LRMDA: variants seen among roughly 807,000 people sequenced by gnomAD.
LRMDA encodes the protein leucine rich melanocyte differentiation associated.
In LRMDA, 18 loss-of-function variants were observed where a neutral mutation model predicts 29.8. The observed-to-expected ratio is 0.60, with a 90% confidence interval of 0.42 to 0.90. The LOEUF (loss-of-function observed/expected upper bound fraction) is 0.90. LRMDA is among the 40% of genes least tolerant of loss of function. LRMDA has a pLI of 0.00. For synonymous variants in LRMDA, 125 were observed against 109.4 expected, an observed-to-expected ratio of 1.14 and a Z score of -0.89; for missense variants, 273 against 273.9, an observed-to-expected ratio of 1.00 and a Z score of 0.02.
chr10:75,477,251 CTCT>C (rs954532183), intron 2 of LRMDA, among the ~76,000 whole-genome samples: 17 of 152,142 alleles, frequency 1.1e-4, no homozygotes, highest in Admixed American at 2.6e-4. Flanking sequence ...AAGCACTAAT[CTCT>C]TCTTCTTGTG....
chr10:75,728,601 G>T (rs1842658922), intron 2 of LRMDA, among the ~76,000 whole-genome samples: 1 of 152,150 alleles, frequency 6.6e-6, no homozygotes, highest in Non-Finnish European at 1.5e-5. Flanking sequence ...CTGAATTACT[G>T]TGTGGATCAG....
chr10:76,010,163 G>T (rs563258130), intron 2 of LRMDA, among the ~76,000 whole-genome samples: 1 of 152,216 alleles, frequency 6.6e-6, no homozygotes, highest in South Asian at 2.1e-4. Context: ...GCATTGAGAG[G>T]CAAGCTGGTG....
At position 76,245,809 on chromosome 10, in the gene LRMDA, G is replaced by A. The variant is rs1422534807; in HGVS notation, c.517-78592G>A. On this transcript the variant is annotated intron_variant, in intron 5 of 6. Transcript: ENST00000611255. The stretch of plus-strand genomic sequence containing the variant: ...CAATACACCAGACTGATGGAAAGTA[G>A]CAGTGGAGGAGGGGAGGATGGGGAT... Among the ~76,000 whole-genome samples, 3 of 152,192 alleles carry A rather than the reference G, an allele frequency of 2.0e-5. No homozygotes were observed. In the East Asian group the frequency reaches 5.8e-4, roughly 29 times the overall value.
At chr10:76,030,088 T>G (rs989078687) in intron 2 of LRMDA, among the ~76,000 whole-genome samples, 1 of 152,162 alleles carries the variant, frequency 6.6e-6, no homozygotes, top group African/African-American at 2.4e-5. Flanking sequence ...AATGGCGTCT[T>G]ACTATGTCGC....
chr10:76,057,332 C>A (rs1365245308), intron 4 of LRMDA, among the ~76,000 whole-genome samples: 1 of 152,194 alleles, frequency 6.6e-6, no homozygotes, highest in African/African-American at 2.4e-5. Flanking sequence ...GTAATCACAT[C>A]TGTATCCCTA....
intron 2 of LRMDA, among the ~76,000 whole-genome samples, chr10:75,704,611 C>T (rs1214117812): frequency 6.6e-6 from 1 of 152,170 alleles, no homozygotes; most frequent in Non-Finnish European, 1.5e-5. Flanking sequence ...GTGATAGAGT[C>T]TTGGTCTCAT....
intron 2 of LRMDA, among the ~76,000 whole-genome samples, chr10:75,462,175 G>T (rs1223059557): frequency 6.6e-6 from 1 of 152,192 alleles, no homozygotes; most frequent in Non-Finnish European, 1.5e-5. Flanking sequence ...CCTGTCAGGG[G>T]TGTCAGTTGA....
In LRMDA at chr10:75,864,922, C is replaced by A. The variant is rs57600550; in HGVS notation, c.132-171086C>A. Among the ~76,000 whole-genome samples, 787 of 152,286 alleles carry A rather than the reference C, an allele frequency of 5.2e-3. 5 individuals carry two copies. The highest frequency in any genetic ancestry group is 0.018 in the African/African-American group (752 of 41,560). On this transcript the variant is annotated intron_variant, in intron 2 of 6. Transcript: ENST00000611255. ...TGTGGTAGGTGAGTGAATTAGAGAT[C>A]ATCACAGGATTTCCAGAGCCTTTCA...
chr10:76,148,038 C>A (rs1415836817), intron 5 of LRMDA, among the ~76,000 whole-genome samples: 1 of 152,178 alleles, frequency 6.6e-6, no homozygotes, highest in African/African-American at 2.4e-5. Flanking sequence ...CTGGTTGTTC[C>A]TCTGGAAGTT....
chr10:75,891,097 T>C (rs973503142), intron 2 of LRMDA, among the ~76,000 whole-genome samples: 6 of 124,614 alleles, frequency 4.8e-5, no homozygotes, highest in Non-Finnish European at 8.3e-5. Flanking sequence ...AGAGCTAGAC[T>C]CAGTCTCACA....
rs1589182063 is a variant in LRMDA, at chr10:75,556,850, C to T, written c.131+118356C>T. 2.7e-5 allele frequency among the ~76,000 whole-genome samples: 4 copies of T among 149,216 alleles called. 2 individuals carry two copies. The Admixed American group carries it at 2.7e-4, about 10-fold the overall frequency. On this transcript the variant is annotated intron_variant, in intron 2 of 6. Transcript: ENST00000611255. The stretch of plus-strand genomic sequence containing the variant: ...TGTATATCGTAATACTAGAATAGTT[C>T]CTAGAAGGCAGTGCAAGAGGTATTA...
At chr10:75,497,239 A>C (rs1019966435) in intron 2 of LRMDA, among the ~76,000 whole-genome samples, 1 of 152,176 alleles carries the variant, frequency 6.6e-6, no homozygotes, top group Non-Finnish European at 1.5e-5. Context: ...ATTTTTAATG[A>C]AAAATTTCTA....
chr10:76,480,347 G>T (rs1382383768), intron 6 of LRMDA, among the ~76,000 whole-genome samples: 1 of 151,846 alleles, frequency 6.6e-6, no homozygotes, highest in Non-Finnish European at 1.5e-5. Flanking sequence ...TTATCTACTT[G>T]GTTGAGAATA....
intron 2 of LRMDA, among the ~76,000 whole-genome samples, chr10:75,932,642 A>T (rs2132401839): frequency 6.6e-6 from 1 of 152,248 alleles, no homozygotes; most frequent in Non-Finnish European, 1.5e-5. Context: ...ACAGAAAAAA[A>T]AACCAATGAA....
intron 6 of LRMDA, among the ~76,000 whole-genome samples, chr10:76,366,126 C>A (rs767733548): frequency 4.1e-4 from 62 of 152,294 alleles, no homozygotes; most frequent in Admixed American, 1.5e-3. Flanking sequence ...CAGTACCACG[C>A]TGTTTTGATG....
At chr10:76,209,773 T>G (rs1484080955) in intron 5 of LRMDA, among the ~76,000 whole-genome samples, 2 of 152,156 alleles carry the variant, frequency 1.3e-5, no homozygotes, top group Non-Finnish European at 2.9e-5. Context: ...TGTATGAACA[T>G]CCATTGTGTG....
intron 2 of LRMDA, among the ~76,000 whole-genome samples, chr10:75,666,541 T>C (rs895566773): frequency 7.2e-5 from 11 of 152,342 alleles, no homozygotes; most frequent in Middle Eastern, 3.4e-3. Flanking sequence ...ACTATTGCTT[T>C]CTTAGTGTCA....
intron 6 of LRMDA, among the ~76,000 whole-genome samples, chr10:76,328,392 C>T (rs928125473): frequency 2.0e-5 from 3 of 152,142 alleles, no homozygotes; most frequent in African/African-American, 7.2e-5. Flanking sequence ...CTATATCATC[C>T]TCAGGGTAAC....
chr10:76,036,964 G>A (rs887687022), intron 3 of LRMDA, among the ~76,000 whole-genome samples: 4 of 152,174 alleles, frequency 2.6e-5, no homozygotes, highest in Non-Finnish European at 5.9e-5. Flanking sequence ...CTGGCACCAA[G>A]TACAAGCTCA....
Sources: gnomAD v4.1 joint callset for allele counts (sites outside exome capture counted in the v4.1 genomes callset) on GRCh38, gnomAD v4.1.1 for gene constraint, MANE v1.5 for transcripts, NCBI Gene and HGNC (gene_info 2026-07-23, HGNC 2026-07-21) for gene names.